Variants in STK3 observed in about 807,000 individuals in gnomAD.
STK3 encodes serine/threonine kinase 3.
A neutral mutation model predicts 58.0 loss-of-function variants in STK3; 41 were observed. That is an observed-to-expected ratio of 0.71 (90% CI 0.55 to 0.92). STK3 has a LOEUF of 0.92. Ranked by LOEUF, STK3 falls within the 40% of genes least tolerant of loss-of-function variation. The probability of loss-of-function intolerance (pLI) is 0.00; values close to 1 mark genes in which losing one functional copy is unlikely to be tolerated. For synonymous variants in STK3, 170 were observed against 191.0 expected, an observed-to-expected ratio of 0.89 and a Z score of 0.91; for missense variants, 479 against 602.7, an observed-to-expected ratio of 0.79 and a Z score of 2.15.
chr8:98,568,621 A>G (rs779274157), intron 8 of STK3, among the ~76,000 whole-genome samples: 1 of 152,180 alleles, frequency 6.6e-6, no homozygotes, highest in Non-Finnish European at 1.5e-5. Context: ...ACAAACACAA[A>G]AGAACAGACA....
chr8:98,697,739 C>G (rs1419096878), intron 6 of STK3, among the ~76,000 whole-genome samples: 1 of 152,150 alleles, frequency 6.6e-6, no homozygotes, highest in Non-Finnish European at 1.5e-5. Context: ...GTTATAATTT[C>G]TGTTCTTTTA....
At chr8:98,406,551 GACTT>G (rs973913203) in intron 3 of STK3, among the ~76,000 whole-genome samples, 4 of 152,082 alleles carry the variant, frequency 2.6e-5, no homozygotes, top group African/African-American at 9.7e-5. Context: ...CCATAGTAGA[GACTT>G]ACAGGTTTAT....
intron 1 of STK3, among the ~76,000 whole-genome samples, chr8:98,775,123 T>C (rs1831589110): frequency 6.6e-6 from 1 of 152,194 alleles, no homozygotes; most frequent in Non-Finnish European, 1.5e-5. Flanking sequence ...TCTGTATAAA[T>C]ATTGTCATGT....
chr8:98,790,182 A>G (rs1207155046), intron 1 of STK3, among the ~76,000 whole-genome samples: 1 of 152,206 alleles, frequency 6.6e-6, no homozygotes. Context: ...CTATGAAGCC[A>G]GTATCACCCT....
chr8:98,411,830 C>G (rs1339765577), intron 3 of STK3, among the ~76,000 whole-genome samples: 1 of 152,192 alleles, frequency 6.6e-6, no homozygotes, highest in Admixed American at 6.5e-5. Flanking sequence ...CTGAGTGGGA[C>G]CAAGGGAGCT....
chr8:98,604,368 A>G (rs1032569044), intron 6 of STK3, among the ~76,000 whole-genome samples: 1 of 152,174 alleles, frequency 6.6e-6, no homozygotes, highest in Non-Finnish European at 1.5e-5. Context: ...ATGGCCCTGC[A>G]GGGTTCAGCC....
intron 3 of STK3, among the ~76,000 whole-genome samples, chr8:98,859,608 T>C (rs1028044500): frequency 6.6e-6 from 1 of 152,214 alleles, no homozygotes; most frequent in Non-Finnish European, 1.5e-5. Flanking sequence ...TTCCTATCCA[T>C]GAACAACATA....
chr8:98,353,895 T>C, the STK3 span, among the ~76,000 whole-genome samples: 1 of 151,216 alleles, frequency 6.6e-6, no homozygotes, highest in Non-Finnish European at 1.5e-5. Context: ...GAAATAATAG[T>C]GACCACTGCC....
At chr8:98,529,157 T>C (rs1190743510) in intron 9 of STK3, among the ~76,000 whole-genome samples, 1 of 152,218 alleles carries the variant, frequency 6.6e-6, no homozygotes, top group African/African-American at 2.4e-5. Context: ...TAAGGTCATT[T>C]TGGTCAAAAG....
At chr8:98,871,549 G>C (rs1837380808) in intron 3 of STK3, among the ~76,000 whole-genome samples, 1 of 152,080 alleles carries the variant, frequency 6.6e-6, no homozygotes, top group Non-Finnish European at 1.5e-5. Flanking sequence ...TCCTTGAAGA[G>C]GTCCTTCATG....
intron 10 of STK3, among the ~76,000 whole-genome samples, chr8:98,492,682 T>C (rs1433409652): frequency 6.6e-6 from 1 of 152,148 alleles, no homozygotes; most frequent in Non-Finnish European, 1.5e-5. Context: ...TTGAAATTGC[T>C]AGATATTTGG....
chr8:98,690,786 G>A (rs1207668083), intron 6 of STK3, among the ~76,000 whole-genome samples: 1 of 152,144 alleles, frequency 6.6e-6, no homozygotes, highest in African/African-American at 2.4e-5. Flanking sequence ...CAATTTACCT[G>A]ACTTCAAACT....
At chr8:98,550,771 GA>G (rs1180234243) in intron 8 of STK3, among the ~76,000 whole-genome samples, 6 of 152,092 alleles carry the variant, frequency 3.9e-5, no homozygotes, top group Non-Finnish European at 7.4e-5. Context: ...TGAGGCATAG[GA>G]TCCTTGTCTC....
intron 6 of STK3, among the ~76,000 whole-genome samples, chr8:98,659,061 A>G (rs2130775807): frequency 6.6e-6 from 1 of 152,178 alleles, no homozygotes; most frequent in Admixed American, 6.6e-5. Flanking sequence ...AGGCTATACC[A>G]TATACCCTAG....
intron 8 of STK3, among the ~76,000 whole-genome samples, chr8:98,576,836 A>C (rs1813434021): frequency 6.6e-6 from 1 of 152,208 alleles, no homozygotes; most frequent in Non-Finnish European, 1.5e-5. Flanking sequence ...GGGCTGAAAC[A>C]AAGGTATCTG....
At chr8:98,529,222 G>A (rs1825968977) in intron 9 of STK3, among the ~76,000 whole-genome samples, 1 of 151,954 alleles carries the variant, frequency 6.6e-6, no homozygotes, top group Admixed American at 6.6e-5. Context: ...AGCCTAAATC[G>A]ATGCCTACTT....
chr8:98,476,805 A>C (rs1452711675), intron 10 of STK3, among the ~76,000 whole-genome samples: 3 of 152,232 alleles, frequency 2.0e-5, no homozygotes, highest in African/African-American at 7.2e-5. Context: ...TAACATCTAT[A>C]AATTAAATCA....
intron 10 of STK3, among the ~76,000 whole-genome samples, chr8:98,495,939 T>C (rs533004636): frequency 7.2e-5 from 11 of 152,276 alleles, no homozygotes; most frequent in African/African-American, 2.6e-4. Context: ...GGTCCAGAAC[T>C]TTGTAAAAAC....
chr8:98,720,782 G>T (rs1827353542), intron 4 of STK3, among the ~76,000 whole-genome samples: 1 of 151,536 alleles, frequency 6.6e-6, no homozygotes, highest in South Asian at 2.1e-4. Context: ...AAAACTGGGG[G>T]TTTTGAGACT....
Sources: gnomAD v4.1 joint callset for allele counts (sites outside exome capture counted in the v4.1 genomes callset) on GRCh38, gnomAD v4.1.1 for gene constraint, MANE v1.5 for transcripts, NCBI Gene and HGNC (gene_info 2026-07-23, HGNC 2026-07-21) for gene names.